NRF1: variants seen among roughly 807,000 people sequenced by gnomAD.
NRF1 encodes the protein alpha palindromic-binding protein.
In NRF1, 5 loss-of-function variants were observed where a neutral mutation model predicts 58.5. That is an observed-to-expected ratio of 0.09 (90% CI 0.04 to 0.18). NRF1 has a LOEUF of 0.18. Ranked by LOEUF, NRF1 falls within the 10% of genes least tolerant of loss-of-function variation. The pLI is 1.00. For missense variants in NRF1, 288 were observed against 657.7 expected (o/e 0.44, Z 6.15); for synonymous variants, 224 against 246.7 (o/e 0.91, Z 0.86).
At chr7:129,660,773 C>G (rs1288015375) in intron 2 of NRF1, among the ~76,000 whole-genome samples, 1 of 150,818 alleles carries the variant, frequency 6.6e-6, no homozygotes, top group Non-Finnish European at 1.5e-5. Flanking sequence ...GCAAAAGATG[C>G]AAGCTGTCGG....
At chr7:129,640,725 A>G (rs1165656210) in intron 1 of NRF1, among the ~76,000 whole-genome samples, 1 of 152,084 alleles carries the variant, frequency 6.6e-6, no homozygotes, top group Non-Finnish European at 1.5e-5. Flanking sequence ...GAAGCAGGAG[A>G]TAGGGGTTCA....
chr7:129,696,084 A>AAAAAAC (rs757035741), intron 5 of NRF1, among the ~76,000 whole-genome samples: 13 of 110,928 alleles, frequency 1.2e-4, no homozygotes, highest in Non-Finnish European at 1.1e-4. Flanking sequence ...AAAAAAAAAA[A>AAAAAAC]AACAACCAAA....
chr7:129,612,994 G>A (rs760290682), intron 1 of NRF1, among the ~76,000 whole-genome samples: 2 of 152,192 alleles, frequency 1.3e-5, no homozygotes, highest in Non-Finnish European at 2.9e-5. Context: ...TATATTAATT[G>A]CTTATTTTAG....
intron 9 of NRF1, among the ~76,000 whole-genome samples, chr7:129,718,391 GT>G (rs1803240140): frequency 6.6e-6 from 1 of 152,184 alleles, no homozygotes; most frequent in African/African-American, 2.4e-5. Flanking sequence ...TCTTCTAGGA[GT>G]GTTATGAGAA....
chr7:129,667,813 G>C (rs1030671798), intron 2 of NRF1, among the ~76,000 whole-genome samples: 1 of 151,500 alleles, frequency 6.6e-6, no homozygotes, highest in Non-Finnish European at 1.5e-5. Flanking sequence ...CTGTCACCCA[G>C]GCTGGAGTGC....
At chr7:129,655,736 G>A (rs938495773) in intron 1 of NRF1, among the ~76,000 whole-genome samples, 1 of 152,140 alleles carries the variant, frequency 6.6e-6, no homozygotes, top group Non-Finnish European at 1.5e-5. Context: ...TGGCCAGGCT[G>A]GTCCCGAACT....
At chr7:129,641,299 A>G (rs1801283765) in intron 1 of NRF1, among the ~76,000 whole-genome samples, 1 of 152,180 alleles carries the variant, frequency 6.6e-6, no homozygotes, top group South Asian at 2.1e-4. Context: ...TTTATTAATT[A>G]TCTTTATAAT....
intron 9 of NRF1, among the ~76,000 whole-genome samples, chr7:129,719,906 T>C (rs1803281702): frequency 6.6e-6 from 1 of 152,142 alleles, no homozygotes; most frequent in Admixed American, 6.5e-5. Context: ...AGCCAACACC[T>C]TGGATATTCC....
intron 1 of NRF1, among the ~76,000 whole-genome samples, chr7:129,634,343 C>T (rs1391812877): frequency 6.6e-6 from 1 of 152,124 alleles, no homozygotes; most frequent in East Asian, 1.9e-4. Flanking sequence ...CCTGGTGCTC[C>T]TGTCTTCCCT....
rs1019394687 is a variant in NRF1, at chr7:129,643,815, G to A, written c.-6-13531G>A. Among the ~76,000 whole-genome samples the A allele has an allele frequency of 2.0e-5, 3 of 152,304 alleles. 1 individual carries two copies. Among genetic ancestry groups the A allele is most frequent in the Admixed American group, 2.0e-4 (3 of 15,292 alleles). ...ATAGACTGCTTTCATTTTGACAGGT[G>A]GGTCAGCATTAGCTTTATTTTTAGT... On this transcript the variant is annotated intron_variant, in intron 1 of 10. Coordinates refer to ENST00000393232, the MANE Select transcript of NRF1 (RefSeq NM_005011.5).
chr7:129,629,668 T>A (rs536683290), intron 1 of NRF1, among the ~76,000 whole-genome samples: 1 of 152,304 alleles, frequency 6.6e-6, no homozygotes, highest in South Asian at 2.1e-4. Flanking sequence ...ATGCATACTT[T>A]CCATTTGTTA....
intron 1 of NRF1, among the ~76,000 whole-genome samples, chr7:129,651,520 A>G (rs1801535621): frequency 6.6e-6 from 1 of 152,124 alleles, no homozygotes; most frequent in South Asian, 2.1e-4. Context: ...TGTGAAGCAG[A>G]CAGCCCTATT....
At chr7:129,634,054 A>ATG (rs1801116814) in intron 1 of NRF1, among the ~76,000 whole-genome samples, 1 of 136,808 alleles carries the variant, frequency 7.3e-6, no homozygotes, top group African/African-American at 2.8e-5. Context: ...ATATATATAT[A>ATG]TATATATACA....
chr7:129,702,290 T>A (rs1232779483), intron 5 of NRF1, among the ~76,000 whole-genome samples: 4 of 152,120 alleles, frequency 2.6e-5, no homozygotes, highest in Non-Finnish European at 1.5e-5. Context: ...AGGTTGGGGG[T>A]GCCGAGATAC....
chr7:129,709,244 C>T lies in NRF1; in HGVS notation c.765+11C>T. On this transcript the variant is annotated intron_variant, in intron 6 of 10. Transcript: ENST00000393232. ...GAGCAAAAGCAGAGGGTGAGAGTTC[C>T]TCTGACTGAGTTGCCTGGTTGCTTT... 6.9e-7 allele frequency: 1 copy of T among 1,449,154 alleles called. No individual in the cohort carries two copies. 89.8% of individuals were successfully genotyped at this position (1,449,154 alleles called of 1,614,324 possible). A position where few individuals can be genotyped will look rare whatever the true frequency, so the allele number is the denominator to read the frequency against.
chr7:129,690,644 C>G, intron 5 of NRF1, 98 bp downstream of exon 5: 2 of 1,298,732 alleles, frequency 1.5e-6, no homozygotes, highest in Non-Finnish European at 1.1e-6. Context: ...AGTGATCTGA[C>G]CAGGGAGTGA....
At chr7:129,652,582 T>C (rs1383668223) in intron 1 of NRF1, among the ~76,000 whole-genome samples, 1 of 152,142 alleles carries the variant, frequency 6.6e-6, no homozygotes, top group African/African-American at 2.4e-5. Flanking sequence ...CTTCTTCCTT[T>C]TTTAAAATTT....
At chr7:129,635,413 T>C (rs1382961934) in intron 1 of NRF1, among the ~76,000 whole-genome samples, 1 of 152,052 alleles carries the variant, frequency 6.6e-6, no homozygotes, top group Non-Finnish European at 1.5e-5. Context: ...CCTTTGGGAG[T>C]GTTACAGTTC....
At chr7:129,689,716 CA>C (rs1365044880) in intron 4 of NRF1, among the ~76,000 whole-genome samples, 1 of 152,202 alleles carries the variant, frequency 6.6e-6, no homozygotes, top group African/African-American at 2.4e-5. Flanking sequence ...TATCTGGTTC[CA>C]ACCTGGGCTA....
Sources: allele counts gnomAD v4.1 joint callset (sites outside exome capture counted in the v4.1 genomes callset), GRCh38; gene constraint gnomAD v4.1.1; transcripts MANE v1.5; gene names NCBI Gene and HGNC (gene_info 2026-07-23, HGNC 2026-07-21).